The following DGKD variants were observed in gnomAD, a reference collection of about 807,000 sequenced individuals.
DGKD encodes the protein diacylglycerol kinase delta, also known as DAG kinase delta.
DGKD carries 68 observed loss-of-function variants against 154.4 expected under a neutral mutation model. The ratio of observed to expected loss-of-function variants is 0.44; its 90% confidence interval spans 0.36 to 0.54. The LOEUF (loss-of-function observed/expected upper bound fraction) is 0.54. DGKD is among the 20% of genes least tolerant of loss of function. The probability of loss-of-function intolerance (pLI) is 0.00; values close to 1 mark genes in which losing one functional copy is unlikely to be tolerated. For missense variants in DGKD, 1,343 were observed against 1,593.6 expected (o/e 0.84, Z 2.68); for synonymous variants, 693 against 638.0 (o/e 1.09, Z -1.30).
chr2:233,447,425 G>T (rs1053089510), intron 12 of DGKD: 1 of 969,588 alleles, frequency 1.0e-6, no homozygotes, highest in Admixed American at 6.2e-5. Context: ...CTAGGGCAAC[G>T]GTCAGCAAAC....
intron 3 of DGKD, among the ~76,000 whole-genome samples, chr2:233,431,149 A>C (rs1002758455): frequency 1.3e-4 from 20 of 152,252 alleles, no homozygotes; most frequent in Admixed American, 1.2e-3. Context: ...CAAAATCAAC[A>C]TGCAAAACTC....
At chr2:233,399,443 T>C (rs1463816557) in intron 3 of DGKD, among the ~76,000 whole-genome samples, 2 of 152,166 alleles carry the variant, frequency 1.3e-5, no homozygotes, top group African/African-American at 2.4e-5. Flanking sequence ...ACAGTCCATG[T>C]GCATCCCAGC....
At chr2:233,378,015 C>G (rs1034169731) in intron 1 of DGKD, among the ~76,000 whole-genome samples, 4 of 151,958 alleles carry the variant, frequency 2.6e-5, no homozygotes, top group Non-Finnish European at 4.4e-5. Context: ...CTGTGTTGCT[C>G]AGGCTGGCCT....
rs1032114380 is a variant in DGKD at position 233,354,560 on chromosome 2, A to G, written c.42A>G (p.Gln14=). The G allele has an allele frequency of 5.7e-6, 6 of 1,049,768 alleles. No homozygotes were observed. In the African/African-American group the frequency reaches 8.7e-5, roughly 15 times the overall value. 65.0% of individuals were successfully genotyped at this position (1,049,768 alleles called of 1,614,324 possible). A position where few individuals can be genotyped will look rare whatever the true frequency, so the allele number is the denominator to read the frequency against. The part of the protein sequence containing the change: ...AAGAPPPGPP[Q]PPPPPPPEES... ...GCGCCCCTCCGCCGGGTCCCCCGCA[A>G]CCGCCTCCGCCGCCGCCGCCCGAGG... The change falls in exon 1 of 30, where the codon CAA becomes CAG. Residue 14 remains glutamine (Q), a synonymous_variant. Coordinates refer to ENST00000264057, the MANE Select transcript of DGKD (RefSeq NM_152879.3). The surrounding 1 kb of genome is among the most constrained non-coding windows in gnomAD (Gnocchi z 4.8).
chr2:233,355,502 C>T (rs1263072305), intron 1 of DGKD, among the ~76,000 whole-genome samples: 9 of 152,228 alleles, frequency 5.9e-5, no homozygotes, highest in Non-Finnish European at 1.5e-5. Flanking sequence ...GCAGCTCTGG[C>T]AGATCCGGTT....
intron 3 of DGKD, among the ~76,000 whole-genome samples, chr2:233,391,373 G>A (rs903794064): frequency 6.6e-6 from 1 of 151,688 alleles, no homozygotes; most frequent in Non-Finnish European, 1.5e-5. Flanking sequence ...GTACCCATGA[G>A]ATCATGCTGA....
intron 3 of DGKD, among the ~76,000 whole-genome samples, chr2:233,432,227 T>C (rs1161258087): frequency 1.0e-5 from 1 of 95,460 alleles, no homozygotes. Context: ...TCGTCTCTAT[T>C]AAAAATACAA....
In DGKD at chr2:233,457,319, G is replaced by A. The variant is rs1393187984; in HGVS notation, c.2571G>A (p.Lys857=). The change falls in exon 21 of 30, where the codon AAG becomes AAA. Residue 857 remains lysine, a synonymous_variant. Coordinates refer to ENST00000264057, the MANE Select transcript of DGKD (RefSeq NM_152879.3). This position sits in a 1 kb window ranked among gnomAD's most constrained non-coding sequence, Gnocchi z 5.5. ...AGGTNFWGGT[K]EDDTFAAPSF... The stretch of plus-strand genomic sequence containing the variant: ...GAACCAACTTCTGGGGGGGTACCAA[G>A]GAAGATGATGTATGTATGGGGTGTG... The A allele has an allele frequency of 1.3e-6, 2 of 1,538,992 alleles. No individual in the cohort carries two copies. The highest frequency in any genetic ancestry group is 1.8e-6 in the Non-Finnish European group (2 of 1,141,284).
intron 1 of DGKD, among the ~76,000 whole-genome samples, chr2:233,369,632 C>G (rs191064440): frequency 6.6e-6 from 1 of 152,156 alleles, no homozygotes; most frequent in Non-Finnish European, 1.5e-5. Context: ...CCTTGAATGG[C>G]GTTTGCCAGG....
chr2:233,462,243 C>T, intron 24 of DGKD, 105 bp from the exon 25 acceptor site: 1 of 880,348 alleles, frequency 1.1e-6, no homozygotes, highest in South Asian at 1.7e-5. Context: ...GCCTGCCCTC[C>T]ACATCAGCCC....
intron 3 of DGKD, among the ~76,000 whole-genome samples, chr2:233,423,367 CCA>C (rs1169325791): frequency 6.6e-6 from 1 of 152,090 alleles, no homozygotes; most frequent in Non-Finnish European, 1.5e-5. Flanking sequence ...GTTTTACATC[CCA>C]CCCAACAGTA....
At position 233,471,917 on chromosome 2, in the gene DGKD, C is replaced by G. The variant is rs1033305430; in HGVS notation, c.*2457C>G. 1 of 152,310 alleles carries G rather than the reference C, an allele frequency of 6.6e-6. No homozygotes were observed. The highest frequency in any genetic ancestry group is 1.5e-5 in the Non-Finnish European group (1 of 68,038). 9.4% of individuals were successfully genotyped at this position (152,310 alleles called of 1,614,324 possible). A position where few individuals can be genotyped will look rare whatever the true frequency, so the allele number is the denominator to read the frequency against. On this transcript the variant is annotated 3_prime_UTR_variant, in exon 30 of 30. Coordinates refer to ENST00000264057, the MANE Select transcript of DGKD (RefSeq NM_152879.3). The stretch of plus-strand genomic sequence containing the variant: ...GAGGCAGGAAGGATCCCTGAAGAGT[C>G]TTGGAGAAAAGGTTCTGTGCCCTCA...
chr2:233,379,142 G>C (rs1453863705), intron 1 of DGKD, among the ~76,000 whole-genome samples: 1 of 152,214 alleles, frequency 6.6e-6, no homozygotes. Context: ...GGATGTTCAT[G>C]TACTTGCAAA....
chr2:233,372,168 G>A (rs552716651), intron 1 of DGKD, among the ~76,000 whole-genome samples: 69 of 152,166 alleles, frequency 4.5e-4, no homozygotes, highest in African/African-American at 1.6e-3. Context: ...CCACAAGCAT[G>A]CACCACCACA....
At chr2:233,364,991 T>C (rs1183130978) in intron 1 of DGKD, among the ~76,000 whole-genome samples, 1 of 152,180 alleles carries the variant, frequency 6.6e-6, no homozygotes, top group Non-Finnish European at 1.5e-5. Context: ...AAGTAGATTT[T>C]AAGGGCAAAA....
intron 1 of DGKD, among the ~76,000 whole-genome samples, chr2:233,385,403 C>T (rs1022174901): frequency 6.6e-6 from 1 of 152,042 alleles, no homozygotes; most frequent in Non-Finnish European, 1.5e-5. Flanking sequence ...GTTCACTTTC[C>T]ACCTGCTGCT....
At chr2:233,403,493 G>A (rs1385147555) in intron 3 of DGKD, among the ~76,000 whole-genome samples, 1 of 151,706 alleles carries the variant, frequency 6.6e-6, no homozygotes, top group Non-Finnish European at 1.5e-5. Flanking sequence ...CCCAGGAGGT[G>A]GAGGTTGCAG....
At chr2:233,451,508 C>A (rs565448837) in intron 17 of DGKD, among the ~76,000 whole-genome samples, 1 of 151,894 alleles carries the variant, frequency 6.6e-6, no homozygotes, top group Admixed American at 6.6e-5. Context: ...CCTCAACTCT[C>A]AGAGATCATT....
At chr2:233,372,563 A>G (rs1702377956) in intron 1 of DGKD, among the ~76,000 whole-genome samples, 1 of 151,446 alleles carries the variant, frequency 6.6e-6, no homozygotes, top group Non-Finnish European at 1.5e-5. Context: ...GGCAAGTAGA[A>G]CCAGGTTTGT....
Sources: allele counts gnomAD v4.1 joint callset (sites outside exome capture counted in the v4.1 genomes callset), GRCh38; gene constraint gnomAD v4.1.1; non-coding constraint Gnocchi (gnomAD v3.1); transcripts MANE v1.5; gene names NCBI Gene and HGNC (gene_info 2026-07-23, HGNC 2026-07-21).